The following UNC13C variants were observed in gnomAD, a reference collection of about 807,000 sequenced individuals.
UNC13C encodes the protein unc-13 homolog C.
UNC13C carries 174 observed loss-of-function variants against 245.4 expected under a neutral mutation model. That is an observed-to-expected ratio of 0.71 (90% CI 0.63 to 0.80). UNC13C has a LOEUF of 0.80. Ranked by LOEUF, UNC13C falls within the 30% of genes least tolerant of loss-of-function variation. The pLI, the probability that UNC13C is intolerant of heterozygous loss-of-function variation, is 0.00. For synonymous variants in UNC13C, 992 were observed against 895.1 expected, an observed-to-expected ratio of 1.11 and a Z score of -1.93; for missense variants, 2,829 against 2,602.9, an observed-to-expected ratio of 1.09 and a Z score of -1.89.
At chr15:54,326,279 GT>G in intron 14 of UNC13C, among the ~76,000 whole-genome samples, 1 of 152,166 alleles carries the variant, frequency 6.6e-6, no homozygotes, top group Non-Finnish European at 1.5e-5. Flanking sequence ...GGGGAAGGGG[GT>G]TGGTAAAAGT....
rs111951170 is a variant in UNC13C, at chr15:54,485,853, G to T, written c.4934-8755G>T. Among the ~76,000 whole-genome samples, 504 of 152,178 alleles carry T rather than the reference G, an allele frequency of 3.3e-3. 2 individuals are homozygous for T. Among genetic ancestry groups the T allele is most frequent in the African/African-American group, 0.012 (486 of 41,508 alleles). On this transcript the variant is annotated intron_variant, in intron 19 of 32. Coordinates refer to ENST00000260323, the MANE Select transcript of UNC13C (RefSeq NM_001080534.3). ...ATGCTCTTCCAGAAGATGGCTCTGT[G>T]GTTTGCTTTTTGACTTCATTCAGTT...
chr15:54,459,372 T>C (rs998208181), intron 19 of UNC13C, among the ~76,000 whole-genome samples: 1 of 152,206 alleles, frequency 6.6e-6, no homozygotes, highest in African/African-American at 2.4e-5. Flanking sequence ...ACTATGTCCC[T>C]AGGTGATGAC....
intron 19 of UNC13C, among the ~76,000 whole-genome samples, chr15:54,464,411 A>T (rs764533274): frequency 2.6e-5 from 4 of 152,114 alleles, no homozygotes; most frequent in African/African-American, 4.8e-5. Flanking sequence ...TTTTATGTTG[A>T]TATTTTAGTG....
In UNC13C at chr15:54,567,099, G is replaced by C. The variant is rs150989826; in HGVS notation, c.5959-701G>C. On this transcript the variant is annotated intron_variant, in intron 29 of 32. Coordinates refer to ENST00000260323, the MANE Select transcript of UNC13C (RefSeq NM_001080534.3). Reference sequence around the variant, plus strand: ...TGTCTGTCTGTGCATAACACTTGTAGTATGAAAAATGCTAACATCCCTCAG... The same window carrying C: ...TGTCTGTCTGTGCATAACACTTGTACTATGAAAAATGCTAACATCCCTCAG... Among the ~76,000 whole-genome samples the C allele has an allele frequency of 1.1e-4, 17 of 152,094 alleles. 1 individual carries two copies. In the East Asian group the frequency reaches 2.9e-3, roughly 26 times the overall value.
At chr15:54,123,164 T>C (rs895388977) in intron 2 of UNC13C, among the ~76,000 whole-genome samples, 1 of 151,944 alleles carries the variant, frequency 6.6e-6, no homozygotes, top group Non-Finnish European at 1.5e-5. Context: ...TGGTATCTTA[T>C]GGTTTCAAAT....
intron 4 of UNC13C, among the ~76,000 whole-genome samples, chr15:54,162,464 G>T (rs2141269183): frequency 6.6e-6 from 1 of 152,262 alleles, no homozygotes; most frequent in Non-Finnish European, 1.5e-5. Flanking sequence ...CATACTAAAA[G>T]ATTTCCTGGT....
chr15:54,421,390 C>T lies in UNC13C; in HGVS notation c.4933+6323C>T, dbSNP rs114565937. 5.0e-3 allele frequency among the ~76,000 whole-genome samples: 767 copies of T among 152,134 alleles called. 6 individuals carry two copies. Among genetic ancestry groups the T allele is most frequent in the African/African-American group, 0.017 (716 of 41,562 alleles). On this transcript the variant is annotated intron_variant, in intron 19 of 32. Coordinates refer to ENST00000260323, the MANE Select transcript of UNC13C (RefSeq NM_001080534.3). ...TCCCAAAGATATGTATACAAATGCC[C>T]TATAGCCCAATCATTGACTTCTTCC...
chr15:54,433,193 T>G (rs2040908019), intron 19 of UNC13C, among the ~76,000 whole-genome samples: 1 of 151,852 alleles, frequency 6.6e-6, no homozygotes, highest in Non-Finnish European at 1.5e-5. Flanking sequence ...CTAAAACTAT[T>G]CCAAACAATA....
chr15:54,198,023 G>A (rs1038744161), intron 4 of UNC13C, among the ~76,000 whole-genome samples: 1 of 152,074 alleles, frequency 6.6e-6, no homozygotes, highest in Non-Finnish European at 1.5e-5. Flanking sequence ...CAGGCTGTGT[G>A]GGAGTGGGGT....
intron 2 of UNC13C, among the ~76,000 whole-genome samples, chr15:54,108,038 A>G (rs1358006856): frequency 6.6e-6 from 1 of 152,188 alleles, no homozygotes; most frequent in East Asian, 1.9e-4. Flanking sequence ...CTTTAGAGAG[A>G]AAAGTTTTCA....
rs150425024 is a variant in UNC13C, at chr15:54,356,823, T to C, written c.4713+18334T>C. On this transcript the variant is annotated intron_variant, in intron 17 of 32. Coordinates refer to ENST00000260323, the MANE Select transcript of UNC13C (RefSeq NM_001080534.3). ...TACAAATTTGATAGATATAAAAAATTATTGCTGAGGAATTTCAATTTACAT... is the reference window on the plus strand; with the variant it reads ...TACAAATTTGATAGATATAAAAAATCATTGCTGAGGAATTTCAATTTACAT... Among the ~76,000 whole-genome samples, 30 of 152,286 alleles carry C rather than the reference T, an allele frequency of 2.0e-4. 1 individual carries two copies. In the East Asian group the frequency reaches 5.4e-3, roughly 27 times the overall value.
At chr15:54,109,734 C>T (rs879030961) in intron 2 of UNC13C, among the ~76,000 whole-genome samples, 8 of 152,172 alleles carry the variant, frequency 5.3e-5, no homozygotes, top group South Asian at 2.1e-4. Context: ...CATGGTAATC[C>T]GGTAATCCTT....
chr15:53,898,865 C>T, the UNC13C span, among the ~76,000 whole-genome samples: 5 of 152,076 alleles, frequency 3.3e-5, no homozygotes, highest in African/African-American at 9.7e-5. Context: ...TGACTATATT[C>T]GCTATGCTGT....
intron 8 of UNC13C, among the ~76,000 whole-genome samples, chr15:54,261,248 A>T (rs1265706024): frequency 2.0e-5 from 3 of 152,236 alleles, no homozygotes; most frequent in Non-Finnish European, 4.4e-5. Context: ...TGTAAAAGCA[A>T]ATTTAAAGTT....
chr15:54,506,498 T>A (rs554536722), intron 22 of UNC13C, among the ~76,000 whole-genome samples: 4 of 152,250 alleles, frequency 2.6e-5, no homozygotes, highest in Admixed American at 6.5e-5. Context: ...TTTGAGCTGA[T>A]GCATATTATC....
chr15:54,446,698 A>T (rs910186052), intron 19 of UNC13C, among the ~76,000 whole-genome samples: 7 of 152,080 alleles, frequency 4.6e-5, no homozygotes, highest in African/African-American at 1.7e-4. Flanking sequence ...GGGCTGAGAT[A>T]ATGGGGTTTT....
Position 54,472,556 on chromosome 15 carries a change from T to C in UNC13C, c.4934-22052T>C, listed in dbSNP as rs183713438. ...AGCATTTCTTCAAAGGCAGGTCTAA[T>C]GCAGATGTACCAGTGATAAACTAGA... On this transcript the variant is annotated intron_variant, in intron 19 of 32. Coordinates refer to ENST00000260323, the MANE Select transcript of UNC13C (RefSeq NM_001080534.3). Among the ~76,000 whole-genome samples, 114 of 152,030 alleles carry C rather than the reference T, an allele frequency of 7.5e-4. 3 individuals carry two copies. In the East Asian group the frequency reaches 0.02, roughly 27 times the overall value.
chr15:53,856,613 T>G, the UNC13C span, among the ~76,000 whole-genome samples: 77 of 152,308 alleles, frequency 5.1e-4, no homozygotes, highest in African/African-American at 1.9e-3. Flanking sequence ...TTGAATAAAT[T>G]TCTTAATCTT....
chr15:54,143,585 T>C, intron 3 of UNC13C, 35 bp from the exon 4 acceptor site: 3 of 1,585,948 alleles, frequency 1.9e-6, no homozygotes, highest in Non-Finnish European at 2.6e-6. Flanking sequence ...GCTAAAAGCC[T>C]GTTTGTTTTG....
Sources: allele counts gnomAD v4.1 joint callset (sites outside exome capture counted in the v4.1 genomes callset), GRCh38; gene constraint gnomAD v4.1.1; transcripts MANE v1.5; gene names NCBI Gene and HGNC (gene_info 2026-07-23, HGNC 2026-07-21).